ALOX15: variants seen among roughly 807,000 people sequenced by gnomAD.
ALOX15 encodes arachidonate 15-lipoxygenase, also known as polyunsaturated fatty acid lipoxygenase ALOX15.
Under a neutral mutation model 71.7 loss-of-function variants are expected in ALOX15, and 68 were observed. The observed-to-expected ratio is 0.95, with a 90% CI of 0.78 to 1.16. The LOEUF (loss-of-function observed/expected upper bound fraction) is 1.16, where lower values mean the gene tolerates loss of function less well. ALOX15 is among the 50% of genes most tolerant of loss of function. The probability of loss-of-function intolerance (pLI) is 0.00; values close to 1 mark genes in which losing one functional copy is unlikely to be tolerated. For missense variants in ALOX15, 798 were observed against 818.8 expected, an observed-to-expected ratio of 0.97 and a Z score of 0.31; for synonymous variants, 346 against 333.3, an observed-to-expected ratio of 1.04 and a Z score of -0.42.
At position 4,631,563 on chromosome 17, in the gene ALOX15, G is replaced by C; in HGVS notation, c.*37C>G. ...CACGAAGGGGTCAGCTTGTGGCTTG[G>C]GTGATGGGGGCTGAAATAACCAAAG... On this transcript the variant is annotated 3_prime_UTR_variant, in exon 14 of 14. Coordinates refer to ENST00000293761, the MANE Select transcript of ALOX15 (RefSeq NM_001140.5). 1 of 1,608,118 alleles carries C rather than the reference G, an allele frequency of 6.2e-7. No individual in the cohort carries two copies. The highest frequency in any genetic ancestry group is 8.5e-7 in the Non-Finnish European group (1 of 1,178,380).
rs746110654 is a variant in ALOX15, at chr17:4,639,037, G to C, written c.419+14C>G. 6.2e-7 allele frequency: 1 copy of C among 1,614,190 alleles called. No homozygotes were observed. The highest frequency in any genetic ancestry group is 1.1e-5 in the South Asian group (1 of 91,084). On this transcript the variant is annotated intron_variant, in intron 3 of 13. Coordinates refer to ENST00000293761, the MANE Select transcript of ALOX15 (RefSeq NM_001140.5). ...CATCAGCAGCTCACGTGGGGTCAGG[G>C]GAGGAGGGCTCACCGGTACAACTTC...
chr17:4,636,677 T>C (rs1911112353), intron 7 of ALOX15, among the ~76,000 whole-genome samples: 1 of 152,160 alleles, frequency 6.6e-6, no homozygotes, highest in Non-Finnish European at 1.5e-5. Flanking sequence ...CACGGCCTTC[T>C]CCAGCTTCCC....
At chr17:4,638,520 G>A in intron 5 of ALOX15, 61 bp downstream of exon 5, 9 of 1,221,420 alleles carry the variant, frequency 7.4e-6, no homozygotes, top group Non-Finnish European at 1.0e-5. Flanking sequence ...ATTCCCCTGG[G>A]TTGGGTGGGA....
chr17:4,639,235 C>T, intron 2 of ALOX15, 103 bp from the exon 3 acceptor site: 1 of 1,475,568 alleles, frequency 6.8e-7, no homozygotes, highest in Non-Finnish European at 9.4e-7. Flanking sequence ...TGGCCTCTGC[C>T]CCTTCAGCAT....
At chr17:4,641,389 G>A (rs1294515188) in intron 1 of ALOX15, 128 bp downstream of exon 1, 141 of 1,399,460 alleles carry the variant, frequency 1.0e-4, no homozygotes, top group Non-Finnish European at 1.3e-4. Flanking sequence ...CGCGCGCTTT[G>A]AGCCCAATGC....
At position 4,638,567 on chromosome 17, in the gene ALOX15, G is replaced by A; in HGVS notation, c.646+14C>T. 6.2e-7 allele frequency: 1 copy of A among 1,612,240 alleles called. No individual in the cohort carries two copies. Among genetic ancestry groups the A allele is most frequent in the Non-Finnish European group, 8.5e-7 (1 of 1,178,488 alleles). ...TCTGGGGGGTTGGGAGACATACTGG[G>A]GTGGGGGACTGACCAGCCAGCTTGC... On this transcript the variant is annotated intron_variant, in intron 5 of 13. Coordinates refer to ENST00000293761, the MANE Select transcript of ALOX15 (RefSeq NM_001140.5).
Position 4,637,095 on chromosome 17 carries a change from G to C in ALOX15, c.951+20C>G. ...TCTCAAAAGCCAGAGACTGGGAGCA[G>C]AAATCCTGAGTCCTCTCACCTGGAT... On this transcript the variant is annotated intron_variant, in intron 7 of 13. Coordinates refer to ENST00000293761, the MANE Select transcript of ALOX15 (RefSeq NM_001140.5). 1 of 1,594,978 alleles carries C rather than the reference G, an allele frequency of 6.3e-7. No homozygotes were observed. Among genetic ancestry groups the C allele is most frequent in the Non-Finnish European group, 8.6e-7 (1 of 1,168,478 alleles).
At chr17:4,639,761 G>A (rs1366164465) in intron 1 of ALOX15, 130 bp from the exon 2 acceptor site, 7 of 851,010 alleles carry the variant, frequency 8.2e-6, no homozygotes, top group Non-Finnish European at 1.2e-5. Flanking sequence ...CGGGGTGCGG[G>A]GACTGAGCCA....
intron 5 of ALOX15, 32 bp downstream of exon 5, chr17:4,638,549 G>T (rs571041226): frequency 8.7e-6 from 14 of 1,605,080 alleles, no homozygotes; most frequent in Middle Eastern, 1.7e-4. Flanking sequence ...GGATCTGGGG[G>T]GTTGGGAGAC....
At chr17:4,639,342 C>T (rs1567648945) in intron 2 of ALOX15, 88 bp downstream of exon 2, 1 of 1,535,046 alleles carries the variant, frequency 6.5e-7, no homozygotes, top group East Asian at 2.3e-5. Context: ...TCCAGCACCC[C>T]CATCCTGCGC....
At position 4,641,499 on chromosome 17, in the gene ALOX15, C is replaced by T. The variant is rs1322256252; in HGVS notation, c.135+18G>A. ...AGCCAGGGGCGCAGCCCACCCCGCC[C>T]GGCTCTGGGGAGCTCACCTTGCCCC... On this transcript the variant is annotated intron_variant, in intron 1 of 13. Coordinates refer to ENST00000293761, the MANE Select transcript of ALOX15 (RefSeq NM_001140.5). The T allele has an allele frequency of 1.2e-6, 2 of 1,605,058 alleles. No homozygotes were observed.
intron 2 of ALOX15, 70 bp from the exon 3 acceptor site, chr17:4,639,202 C>T: frequency 6.4e-7 from 1 of 1,564,856 alleles, no homozygotes; most frequent in Non-Finnish European, 8.8e-7. Context: ...GCCAGGAGAG[C>T]CTCAGCACCC....
At chr17:4,636,474 C>T (rs941137159) in intron 7 of ALOX15, among the ~76,000 whole-genome samples, 2 of 152,100 alleles carry the variant, frequency 1.3e-5, no homozygotes, top group South Asian at 4.1e-4. Flanking sequence ...TCCCCTTTCC[C>T]CTCTCCTTGA....
chr17:4,631,842 C>T lies in ALOX15; in HGVS notation c.1809+47G>A, dbSNP rs772735427. 5.6e-6 allele frequency: 9 copies of T among 1,608,274 alleles called. No individual in the cohort carries two copies. The African/African-American group carries it at 1.1e-4, about 19-fold the overall frequency. ...ACCCCCAGTCTGGGATGCCACACGT[C>T]CCCACAGCTGCCTCCTTCCTTAGGG... is the stretch of plus-strand genomic sequence containing the variant. On this transcript the variant is annotated intron_variant, in intron 13 of 13. Transcript: ENST00000293761.
rs775516803 is a variant in ALOX15 at position 4,633,344 on chromosome 17, C to T, written c.1249-29G>A. 147 of 1,611,020 alleles carry T rather than the reference C, an allele frequency of 9.1e-5. 1 individual carries two copies. The highest frequency in any genetic ancestry group is 1.2e-4 in the Admixed American group (7 of 59,914). On this transcript the variant is annotated intron_variant, in intron 9 of 13. Coordinates refer to ENST00000293761, the MANE Select transcript of ALOX15 (RefSeq NM_001140.5). ...AGAAGTGAGGGTGAGCAGGGTCAGG[C>T]GAATCGACCTGCCCTGAATCCAGAG... is the stretch of plus-strand genomic sequence containing the variant.
intron 5 of ALOX15, 62 bp downstream of exon 5, chr17:4,638,519 G>C: frequency 6.5e-7 from 1 of 1,548,622 alleles, no homozygotes; most frequent in Non-Finnish European, 8.9e-7. Context: ...AATTCCCCTG[G>C]GTTGGGTGGG....
chr17:4,641,150 A>T (rs1462855266), intron 1 of ALOX15, among the ~76,000 whole-genome samples: 1 of 151,150 alleles, frequency 6.6e-6, no homozygotes, highest in Non-Finnish European at 1.5e-5. Context: ...AAAGCCTGAA[A>T]GGTAGAGATC....
At chr17:4,638,801 C>T (rs763186066) in intron 4 of ALOX15, 49 bp downstream of exon 4, 53 of 1,613,462 alleles carry the variant, frequency 3.3e-5, no homozygotes, top group Non-Finnish European at 4.5e-5. Context: ...CCCTTGGCTT[C>T]CACTAGACCA....
At chr17:4,632,830 T>C (rs1567646507) in intron 11 of ALOX15, 31 bp downstream of exon 11, 2 of 1,613,796 alleles carry the variant, frequency 1.2e-6, no homozygotes, top group East Asian at 4.5e-5. Flanking sequence ...GGGCTTTGTG[T>C]CTGAGATCTC....
Sources: allele counts gnomAD v4.1 joint callset (sites outside exome capture counted in the v4.1 genomes callset), GRCh38; gene constraint gnomAD v4.1.1; transcripts MANE v1.5; gene names NCBI Gene and HGNC (gene_info 2026-07-23, HGNC 2026-07-21).